The following DENND1B variants were observed in gnomAD, a reference collection of about 807,000 sequenced individuals.
The protein encoded by DENND1B is DENN domain containing 1B.
A neutral mutation model predicts 90.1 loss-of-function variants in DENND1B; 59 were observed. The observed-to-expected ratio is 0.65, with a 90% CI of 0.53 to 0.81. The LOEUF (loss-of-function observed/expected upper bound fraction) is 0.81. Ranked by LOEUF, DENND1B falls within the 40% of genes least tolerant of loss-of-function variation. The pLI is 0.00. For missense variants in DENND1B, 862 were observed against 912.6 expected (o/e 0.94, Z 0.71); for synonymous variants, 337 against 324.6 (o/e 1.04, Z -0.41).
At chr1:197,682,211 A>T (rs1041790441) in intron 3 of DENND1B, among the ~76,000 whole-genome samples, 4 of 152,004 alleles carry the variant, frequency 2.6e-5, no homozygotes, top group Admixed American at 6.6e-5. Context: ...CATATTATTA[A>T]TTATTTATTT....
intron 10 of DENND1B, among the ~76,000 whole-genome samples, chr1:197,638,481 G>A (rs1415140483): frequency 2.6e-5 from 4 of 152,088 alleles, no homozygotes; most frequent in African/African-American, 9.7e-5. Context: ...CTGGCCAGCC[G>A]GGTGTTTGAG....
At chr1:197,558,209 A>G (rs918399582) in intron 15 of DENND1B, among the ~76,000 whole-genome samples, 1 of 151,804 alleles carries the variant, frequency 6.6e-6, no homozygotes, top group African/African-American at 2.4e-5. Context: ...AAAGAAAAAA[A>G]TTAAAATCTA....
chr1:197,703,901 A>C (rs1247435531), intron 3 of DENND1B, among the ~76,000 whole-genome samples: 1 of 152,120 alleles, frequency 6.6e-6, no homozygotes, highest in Non-Finnish European at 1.5e-5. Flanking sequence ...GAAATGATAA[A>C]AATCAAACTC....
intron 2 of DENND1B, chr1:197,735,828 G>A (rs748708629): frequency 4.2e-5 from 67 of 1,607,054 alleles, no homozygotes; most frequent in Middle Eastern, 3.3e-4. Context: ...GGGACAATTG[G>A]AAGAAATTCA....
intron 3 of DENND1B, among the ~76,000 whole-genome samples, chr1:197,691,855 G>A (rs950259727): frequency 6.6e-6 from 1 of 151,902 alleles, no homozygotes; most frequent in African/African-American, 2.4e-5. Flanking sequence ...AAATAAGCCA[G>A]TCTCAAAAAG....
intron 5 of DENND1B, among the ~76,000 whole-genome samples, chr1:197,666,896 G>A (rs957044687): frequency 6.6e-6 from 1 of 152,096 alleles, no homozygotes; most frequent in Non-Finnish European, 1.5e-5. Flanking sequence ...AGTGGCTCAC[G>A]CCTGTAATCC....
chr1:197,749,617 G>A (rs1398354300), intron 2 of DENND1B, among the ~76,000 whole-genome samples: 1 of 152,082 alleles, frequency 6.6e-6, no homozygotes, highest in Non-Finnish European at 1.5e-5. Context: ...CAGCAGACTT[G>A]ATGTACAATT....
At chr1:197,730,272 T>C (rs1023777741) in intron 2 of DENND1B, among the ~76,000 whole-genome samples, 2 of 152,020 alleles carry the variant, frequency 1.3e-5, no homozygotes, top group Non-Finnish European at 2.9e-5. Context: ...CTTTAGGATA[T>C]ATAGGTAATA....
chr1:197,716,903 T>C (rs1057084689), intron 2 of DENND1B, among the ~76,000 whole-genome samples: 8 of 152,000 alleles, frequency 5.3e-5, no homozygotes, highest in Admixed American at 2.0e-4. Flanking sequence ...TTGTAGCATT[T>C]ACCTAAATAT....
intron 2 of DENND1B, among the ~76,000 whole-genome samples, chr1:197,751,737 A>T (rs759533266): frequency 1.3e-5 from 2 of 151,596 alleles, no homozygotes; most frequent in Non-Finnish European, 2.9e-5. Context: ...CCAGCTACTC[A>T]GGAGGCTGAG....
intron 16 of DENND1B, 171 bp downstream of exon 16, chr1:197,552,851 C>G (rs1671354519): frequency 7.3e-7 from 1 of 1,370,916 alleles, no homozygotes; most frequent in African/African-American, 1.5e-5. Flanking sequence ...AGGTATCAGG[C>G]AAAATAAGCT....
intron 6 of DENND1B, among the ~76,000 whole-genome samples, chr1:197,655,081 G>A (rs565374602): frequency 1.3e-5 from 2 of 152,214 alleles, no homozygotes; most frequent in South Asian, 4.1e-4. Context: ...CTGAAAACAA[G>A]CTTTTCCTAT....
chr1:197,625,074 C>A (rs1172822678), intron 10 of DENND1B, among the ~76,000 whole-genome samples: 1 of 151,968 alleles, frequency 6.6e-6, no homozygotes, highest in African/African-American at 2.4e-5. Context: ...GAGAATGGAA[C>A]CAAGTTGGAA....
intron 3 of DENND1B, among the ~76,000 whole-genome samples, chr1:197,682,002 C>A (rs1656740167): frequency 6.6e-6 from 1 of 151,254 alleles, no homozygotes; most frequent in Admixed American, 6.6e-5. Context: ...TGCCTGGAAC[C>A]TAGTTCAGAA....
intron 3 of DENND1B, among the ~76,000 whole-genome samples, chr1:197,700,338 T>C (rs1571409361): frequency 6.6e-6 from 1 of 152,214 alleles, no homozygotes; most frequent in Admixed American, 6.5e-5. Context: ...ATCTGATCTT[T>C]GGCAAACCTG....
intron 10 of DENND1B, among the ~76,000 whole-genome samples, chr1:197,633,590 A>G (rs1182070196): frequency 6.6e-6 from 1 of 152,030 alleles, no homozygotes; most frequent in East Asian, 1.9e-4. Context: ...TTCCTATAGC[A>G]CAGGTGTCCA....
At chr1:197,720,705 C>A (rs1661088992) in intron 2 of DENND1B, among the ~76,000 whole-genome samples, 1 of 151,986 alleles carries the variant, frequency 6.6e-6, no homozygotes, top group Non-Finnish European at 1.5e-5. Flanking sequence ...AGATTTACTG[C>A]ATGATAGAAA....
At chr1:197,772,350 A>G (rs1044148183) in intron 2 of DENND1B, among the ~76,000 whole-genome samples, 12 of 152,320 alleles carry the variant, frequency 7.9e-5, no homozygotes, top group African/African-American at 2.9e-4. Flanking sequence ...AGCTGCACTG[A>G]TAACATTCAT....
chr1:197,593,480 A>C lies in DENND1B; in HGVS notation c.1047+1728T>G, dbSNP rs76924290. ...ATCAATAAACAAGAAATATACTCTA[A>C]GATAAAATTAAACATTTTTCACAGA... On this transcript the variant is annotated intron_variant, in intron 14 of 22. Transcript: ENST00000620048. Among the ~76,000 whole-genome samples the C allele has an allele frequency of 5.9e-3, 900 of 152,134 alleles. 13 individuals are homozygous for C. Among genetic ancestry groups the C allele is most frequent in the African/African-American group, 0.02 (842 of 41,576 alleles).
Sources: allele counts gnomAD v4.1 joint callset (sites outside exome capture counted in the v4.1 genomes callset), GRCh38; gene constraint gnomAD v4.1.1; transcripts MANE v1.5; gene names NCBI Gene and HGNC (gene_info 2026-07-23, HGNC 2026-07-21).